The following CPNE8 variants were observed in gnomAD, a reference collection of about 807,000 sequenced individuals.
CPNE8 encodes copine-8.
A neutral mutation model predicts 81.5 loss-of-function variants in CPNE8; 45 were observed. That is an observed-to-expected ratio of 0.55 (90% CI 0.44 to 0.71). The LOEUF (loss-of-function observed/expected upper bound fraction) is 0.71. CPNE8 is among the 30% of genes least tolerant of loss of function. The pLI is 0.00. For synonymous variants in CPNE8, 252 were observed against 226.3 expected (o/e 1.11, Z -1.02); for missense variants, 594 against 672.1 (o/e 0.88, Z 1.28).
At chr12:38,728,933 G>A (rs1234389250) in intron 11 of CPNE8, among the ~76,000 whole-genome samples, 1 of 152,006 alleles carries the variant, frequency 6.6e-6, no homozygotes, top group African/African-American at 2.4e-5. Context: ...GGCCTTACAG[G>A]GTATTTAAGA....
chr12:38,902,371 A>AGAAG (rs1944492902), intron 1 of CPNE8, among the ~76,000 whole-genome samples: 1 of 81,388 alleles, frequency 1.2e-5, no homozygotes, highest in Non-Finnish European at 2.3e-5. Context: ...AAAGAAAGAA[A>AGAAG]GAAAGAAAGA....
At chr12:38,870,927 T>C (rs1198097639) in intron 3 of CPNE8, among the ~76,000 whole-genome samples, 1 of 152,140 alleles carries the variant, frequency 6.6e-6, no homozygotes, top group East Asian at 1.9e-4. Flanking sequence ...GTGTTTCATT[T>C]TTCTCATGAA....
At chr12:38,675,405 G>A (rs1022400525) in intron 18 of CPNE8, among the ~76,000 whole-genome samples, 3 of 152,146 alleles carry the variant, frequency 2.0e-5, no homozygotes. Flanking sequence ...TTATCACTCT[G>A]TCAGTCTTAG....
At chr12:38,870,241 G>A (rs1251463821) in intron 3 of CPNE8, among the ~76,000 whole-genome samples, 1 of 152,176 alleles carries the variant, frequency 6.6e-6, no homozygotes, top group East Asian at 1.9e-4. Context: ...GATTCCTCAA[G>A]GATCTAGAAC....
At chr12:38,868,225 T>C (rs1370668269) in intron 3 of CPNE8, among the ~76,000 whole-genome samples, 1 of 152,138 alleles carries the variant, frequency 6.6e-6, no homozygotes, top group Non-Finnish European at 1.5e-5. Context: ...TCTCCAATTA[T>C]ATTGCATGCT....
chr12:38,705,756 G>C (rs1407987094), intron 13 of CPNE8, among the ~76,000 whole-genome samples: 1 of 152,064 alleles, frequency 6.6e-6, no homozygotes, highest in East Asian at 1.9e-4. Flanking sequence ...GAATCTGAAT[G>C]AACTGGGTTT....
intron 5 of CPNE8, among the ~76,000 whole-genome samples, chr12:38,832,255 G>A (rs4525279): frequency 0.99 from 151,160 of 152,324 alleles, 75,006 homozygotes; most frequent in Middle Eastern, 1. Context: ...CAAGAAGCAC[G>A]GGAAAGGGTG....
chr12:38,808,238 C>T (rs940705826), intron 6 of CPNE8, among the ~76,000 whole-genome samples: 1 of 152,114 alleles, frequency 6.6e-6, no homozygotes, highest in African/African-American at 2.4e-5. Context: ...TTTGACCCAG[C>T]CATCCTATTA....
chr12:38,815,386 A>T (rs1196632966), intron 6 of CPNE8, among the ~76,000 whole-genome samples: 1 of 152,134 alleles, frequency 6.6e-6, no homozygotes, highest in Non-Finnish European at 1.5e-5. Context: ...TAGTTGTCAT[A>T]TTTATTATCT....
intron 6 of CPNE8, among the ~76,000 whole-genome samples, chr12:38,828,846 C>G (rs186864044): frequency 6.6e-6 from 1 of 152,240 alleles, no homozygotes; most frequent in Admixed American, 6.5e-5. Context: ...GAAACAGAAT[C>G]AACTCATGCA....
At chr12:38,846,095 C>G (rs1279025008) in intron 4 of CPNE8, among the ~76,000 whole-genome samples, 1 of 152,150 alleles carries the variant, frequency 6.6e-6, no homozygotes, top group African/African-American at 2.4e-5. Context: ...AGTTTCCTGA[C>G]ACTCTGAGAT....
intron 3 of CPNE8, among the ~76,000 whole-genome samples, chr12:38,850,942 G>C (rs1943635040): frequency 6.6e-6 from 1 of 152,186 alleles, no homozygotes; most frequent in African/African-American, 2.4e-5. Flanking sequence ...GAGCATTTAA[G>C]AAGTGATTAG....
Position 38,891,729 on chromosome 12 carries a change from G to A in CPNE8, c.98+13708C>T, listed in dbSNP as rs543955787. ...CCCAAAGTGCTGGGATTACAGGCGT[G>A]AGCCACCACAACCAGCCAATATAAA... On this transcript the variant is annotated intron_variant, in intron 1 of 19. Transcript: ENST00000331366. Among the ~76,000 whole-genome samples the A allele has an allele frequency of 1.0e-3, 152 of 152,304 alleles. 2 individuals are homozygous for A. The highest frequency in any genetic ancestry group is 3.5e-3 in the African/African-American group (145 of 41,576).
intron 7 of CPNE8, among the ~76,000 whole-genome samples, chr12:38,774,404 T>C (rs1007692096): frequency 1.3e-5 from 2 of 152,120 alleles, no homozygotes; most frequent in African/African-American, 4.8e-5. Flanking sequence ...CATTTACAAA[T>C]TGAGACAAGT....
chr12:38,661,157 A>C (rs1183196181), intron 19 of CPNE8, among the ~76,000 whole-genome samples: 2 of 152,316 alleles, frequency 1.3e-5, no homozygotes, highest in East Asian at 3.9e-4. Context: ...ACACATGCAC[A>C]TGTATGTTTA....
At chr12:38,710,448 G>GT (rs1258697904) in intron 13 of CPNE8, among the ~76,000 whole-genome samples, 1 of 151,944 alleles carries the variant, frequency 6.6e-6, no homozygotes, top group Non-Finnish European at 1.5e-5. Context: ...AGCTAGTTGT[G>GT]ACTCCTTGCA....
At position 38,711,760 on chromosome 12, in the gene CPNE8, C is replaced by T. The variant is rs11169224; in HGVS notation, c.915-8839G>A. Reference sequence around the variant, plus strand: ...CTGGGATTACAGGCATGACCCACTACGCCCGGCCCAAGTATACATTTTAAA... The same window carrying T: ...CTGGGATTACAGGCATGACCCACTATGCCCGGCCCAAGTATACATTTTAAA... On this transcript the variant is annotated intron_variant, in intron 13 of 19. Coordinates refer to ENST00000331366, the MANE Select transcript of CPNE8 (RefSeq NM_153634.3). Among the ~76,000 whole-genome samples, 798 of 152,262 alleles carry T rather than the reference C, an allele frequency of 5.2e-3. 9 individuals carry two copies. The highest frequency in any genetic ancestry group is 0.019 in the African/African-American group (770 of 41,560).
At chr12:38,728,319 G>A (rs1307627598) in intron 11 of CPNE8, among the ~76,000 whole-genome samples, 1 of 151,986 alleles carries the variant, frequency 6.6e-6, no homozygotes, top group Non-Finnish European at 1.5e-5. Flanking sequence ...TTGAAAGAAG[G>A]AAATCATGCG....
chr12:38,657,805 G>A (rs1342058050), intron 19 of CPNE8, among the ~76,000 whole-genome samples: 1 of 152,144 alleles, frequency 6.6e-6, no homozygotes, highest in Non-Finnish European at 1.5e-5. Flanking sequence ...CTGCAGCTGA[G>A]GGACCTGTTA....
Sources: gnomAD v4.1 joint callset for allele counts (sites outside exome capture counted in the v4.1 genomes callset) on GRCh38, gnomAD v4.1.1 for gene constraint, MANE v1.5 for transcripts, NCBI Gene and HGNC (gene_info 2026-07-23, HGNC 2026-07-21) for gene names.